Variants in GPR139 observed in about 807,000 individuals in gnomAD.
GPR139 encodes the protein probable G protein-coupled receptor 139.
A neutral mutation model predicts 25.8 loss-of-function variants in GPR139; 12 were observed. The ratio of observed to expected loss-of-function variants is 0.47; its 90% CI spans 0.30 to 0.75. The LOEUF is 0.75. GPR139 is among the 30% of genes least tolerant of loss of function. The pLI is 0.07. For missense variants in GPR139, 380 were observed against 450.2 expected, an observed-to-expected ratio of 0.84 and a Z score of 1.41; for synonymous variants, 184 against 179.9, an observed-to-expected ratio of 1.02 and a Z score of -0.18.
intron 1 of GPR139, among the ~76,000 whole-genome samples, chr16:20,071,202 A>T (rs1167508869): frequency 6.6e-6 from 1 of 152,224 alleles, no homozygotes; most frequent in Non-Finnish European, 1.5e-5. Context: ...AAAAGCTTGC[A>T]ACCTCACCCC....
At chr16:20,061,917 A>G (rs2057415653) in intron 1 of GPR139, among the ~76,000 whole-genome samples, 1 of 152,216 alleles carries the variant, frequency 6.6e-6, no homozygotes, top group Non-Finnish European at 1.5e-5. Flanking sequence ...GCTGCTAATT[A>G]GCTATGTATG....
At chr16:20,063,887 TA>T (rs1170935034) in intron 1 of GPR139, among the ~76,000 whole-genome samples, 1 of 152,186 alleles carries the variant, frequency 6.6e-6, no homozygotes, top group Non-Finnish European at 1.5e-5. Context: ...CTAGGTAATT[TA>T]TAAAGGAAAG....
chr16:20,060,873 C>T (rs1052392283), intron 1 of GPR139, among the ~76,000 whole-genome samples: 1 of 152,008 alleles, frequency 6.6e-6, no homozygotes, highest in Non-Finnish European at 1.5e-5. Flanking sequence ...CCCCTCCGTT[C>T]CACTCTTTCC....
At chr16:20,070,875 T>C in intron 1 of GPR139, 1 of 861,870 alleles carries the variant, frequency 1.2e-6, no homozygotes, top group Non-Finnish European at 1.4e-6. Flanking sequence ...AGGGAGGTGA[T>C]GGGTGGGGAC....
rs989504499 is a variant in GPR139 at position 20,030,277 on chromosome 16, C to A, written c.*1458G>T. ...CTAAATATTCCAGGTGGACTGTCTG[C>A]CGTTTTTTGGTCACCAAAAATGTCA... On this transcript the variant is annotated 3_prime_UTR_variant, in exon 2 of 2. Transcript: ENST00000570682. Among the ~76,000 whole-genome samples the A allele has an allele frequency of 2.6e-5, 4 of 152,066 alleles. No homozygotes were observed. Among genetic ancestry groups the A allele is most frequent in the Admixed American group, 1.3e-4 (2 of 15,278 alleles).
chr16:20,032,718 G>A (rs1320013692), intron 1 of GPR139, 49 bp from the exon 2 acceptor site: 2 of 1,448,738 alleles, frequency 1.4e-6, no homozygotes, highest in East Asian at 2.3e-5. Context: ...AGATGACTTC[G>A]TTGGCTCCTA....
At chr16:20,071,828 C>T (rs2057460561) in intron 1 of GPR139, among the ~76,000 whole-genome samples, 1 of 152,016 alleles carries the variant, frequency 6.6e-6, no homozygotes, top group Non-Finnish European at 1.5e-5. Context: ...GTCTTTGTCT[C>T]TGTCCCTTAA....
intron 1 of GPR139, among the ~76,000 whole-genome samples, chr16:20,043,887 G>A (rs1401869598): frequency 6.6e-6 from 1 of 152,128 alleles, no homozygotes; most frequent in Non-Finnish European, 1.5e-5. Context: ...GAGAGGAGAG[G>A]ATACTTAAAA....
chr16:20,059,001 A>G (rs2057401196), intron 1 of GPR139, among the ~76,000 whole-genome samples: 1 of 151,924 alleles, frequency 6.6e-6, no homozygotes, highest in Non-Finnish European at 1.5e-5. Flanking sequence ...GGCTGTCTAT[A>G]TTTTATGTGG....
chr16:20,050,094 G>C lies in GPR139; in HGVS notation c.128-17425C>G, dbSNP rs190231384. 8.5e-5 allele frequency among the ~76,000 whole-genome samples: 13 copies of C among 152,302 alleles called. No homozygotes were observed. In the East Asian group the frequency reaches 2.5e-3, roughly 29 times the overall value. On this transcript the variant is annotated intron_variant, in intron 1 of 1. Transcript: ENST00000570682. ...AGGCTCTAGCCTGGCAGAGAAGCCA[G>C]ATAGATACTCAGAGAGAAGCTCCAT...
intron 1 of GPR139, among the ~76,000 whole-genome samples, chr16:20,062,486 T>C (rs923590569): frequency 1.3e-5 from 2 of 152,326 alleles, no homozygotes; most frequent in African/African-American, 4.8e-5. Flanking sequence ...CACTAATTTA[T>C]AAAGCCTTCA....
At position 20,030,194 on chromosome 16, in the gene GPR139, A is replaced by C. The variant is rs1596462242; in HGVS notation, c.*1541T>G. 6.6e-6 allele frequency among the ~76,000 whole-genome samples: 1 copy of C among 152,236 alleles called. No individual in the cohort carries two copies. The highest frequency in any genetic ancestry group is 1.9e-4 in the East Asian group (1 of 5,188). Reference sequence around the variant, plus strand: ...TCATTTATTGCAAATTCCCTTAAAAAAGATAGACATGTCTTCCAACTTAGG... The same window carrying C: ...TCATTTATTGCAAATTCCCTTAAAACAGATAGACATGTCTTCCAACTTAGG... On this transcript the variant is annotated 3_prime_UTR_variant, in exon 2 of 2. Transcript: ENST00000570682.
At chr16:20,043,521 T>G (rs1567236504) in intron 1 of GPR139, among the ~76,000 whole-genome samples, 1 of 152,210 alleles carries the variant, frequency 6.6e-6, no homozygotes, top group Admixed American at 6.5e-5. Context: ...TATTTCTCCA[T>G]GTAGGGTAGT....
At position 20,032,116 on chromosome 16, in the gene GPR139, G is replaced by A. The variant is rs755558994; in HGVS notation, c.681C>T (p.Thr227=). Residue 227 remains threonine, a synonymous_variant, in exon 2 of 2, where the codon ACC becomes ACT. Coordinates refer to ENST00000570682, the MANE Select transcript of GPR139 (RefSeq NM_001002911.4). ...TGGAGGTAATGGTGAACAAGATGGC[G>A]GTGGTCTTCCCCGTGGAGTAGCCAC... ...RLRGYSTGKT[T]AILFTITSIF... 6.2e-7 allele frequency: 1 copy of A among 1,614,192 alleles called. No homozygotes were observed. Among genetic ancestry groups the A allele is most frequent in the Admixed American group, 1.7e-5 (1 of 60,026 alleles).
chr16:20,048,668 T>G (rs1242263446), intron 1 of GPR139, among the ~76,000 whole-genome samples: 1 of 152,198 alleles, frequency 6.6e-6, no homozygotes, highest in Non-Finnish European at 1.5e-5. Context: ...GACAGCCAAC[T>G]GTGGTCAGGT....
intron 1 of GPR139, among the ~76,000 whole-genome samples, chr16:20,057,357 G>T (rs912529776): frequency 2.0e-5 from 3 of 152,178 alleles, no homozygotes; most frequent in African/African-American, 7.2e-5. Flanking sequence ...TTTTGGTCTA[G>T]TGCTTGGCTC....
At chr16:20,054,480 T>C (rs1410348508) in intron 1 of GPR139, among the ~76,000 whole-genome samples, 1 of 152,120 alleles carries the variant, frequency 6.6e-6, no homozygotes, top group Non-Finnish European at 1.5e-5. Context: ...GAAAAGTTAT[T>C]AGAGCCAGCA....
At chr16:20,035,847 C>T (rs993631538) in intron 1 of GPR139, among the ~76,000 whole-genome samples, 6 of 152,176 alleles carry the variant, frequency 3.9e-5, no homozygotes, top group Non-Finnish European at 8.8e-5. Context: ...TTGTAAGCAT[C>T]CTTGCATTTT....
At chr16:20,049,637 C>G (rs780483365) in intron 1 of GPR139, among the ~76,000 whole-genome samples, 2 of 152,178 alleles carry the variant, frequency 1.3e-5, no homozygotes, top group Non-Finnish European at 2.9e-5. Flanking sequence ...GAACACTTTT[C>G]CCTTGTTGAA....
Sources: allele counts gnomAD v4.1 joint callset (sites outside exome capture counted in the v4.1 genomes callset), GRCh38; gene constraint gnomAD v4.1.1; transcripts MANE v1.5; gene names NCBI Gene and HGNC (gene_info 2026-07-23, HGNC 2026-07-21).